The following DNAH3 variants were observed in gnomAD, a reference collection of about 807,000 sequenced individuals.
The protein encoded by DNAH3 is dynein axonemal heavy chain 3.
DNAH3 carries 332 observed loss-of-function variants against 432.5 expected under a neutral mutation model. The observed-to-expected ratio is 0.77, with a 90% CI of 0.70 to 0.84. The LOEUF (loss-of-function observed/expected upper bound fraction) is 0.84. Among genes scored for constraint, DNAH3 ranks in the 40% least tolerant of loss-of-function variants. The pLI is 0.00. For synonymous variants in DNAH3, 1,956 were observed against 1,900.2 expected, an observed-to-expected ratio of 1.03 and a Z score of -0.76; for missense variants, 4,861 against 5,114.0, an observed-to-expected ratio of 0.95 and a Z score of 1.51.
intron 10 of DNAH3, among the ~76,000 whole-genome samples, chr16:21,121,343 G>A (rs74898906): frequency 0.036 from 5,491 of 152,316 alleles, 341 homozygotes; most frequent in African/African-American, 0.12. Flanking sequence ...TGGAAAGGGC[G>A]TGGGCCAGGA....
chr16:20,972,857 T>C (rs1164338126), intron 51 of DNAH3, among the ~76,000 whole-genome samples: 2 of 147,318 alleles, frequency 1.4e-5, no homozygotes, highest in South Asian at 2.2e-4. Flanking sequence ...GCCTCCTGAA[T>C]AGCTGGGATT....
chr16:21,112,886 T>C (rs1348266770), intron 12 of DNAH3, among the ~76,000 whole-genome samples: 1 of 152,174 alleles, frequency 6.6e-6, no homozygotes. Context: ...GCATGGGCCC[T>C]GTACCCCTTT....
At chr16:21,006,373 T>C (rs922858496) in intron 41 of DNAH3, among the ~76,000 whole-genome samples, 1 of 152,242 alleles carries the variant, frequency 6.6e-6, no homozygotes, top group Non-Finnish European at 1.5e-5. Context: ...TTACATATCA[T>C]ATAATCCAAC....
At chr16:21,073,072 T>C (rs1471639082) in intron 21 of DNAH3, among the ~76,000 whole-genome samples, 1 of 152,108 alleles carries the variant, frequency 6.6e-6, no homozygotes, top group African/African-American at 2.4e-5. Context: ...TGGGCCATTG[T>C]GGCAAGCAAG....
chr16:20,971,879 T>TAA (rs2085357723), intron 51 of DNAH3, among the ~76,000 whole-genome samples: 1 of 152,224 alleles, frequency 6.6e-6, no homozygotes, highest in Non-Finnish European at 1.5e-5. Context: ...CATAGACCCT[T>TAA]ACGCTCTGGC....
intron 18 of DNAH3, among the ~76,000 whole-genome samples, chr16:21,090,956 G>A (rs146870706): frequency 2.3e-3 from 355 of 151,982 alleles, no homozygotes; most frequent in African/African-American, 8.1e-3. Context: ...GTTCAAGACC[G>A]GCCTGGGCAA....
At chr16:21,063,458 C>G (rs1464562383) in intron 24 of DNAH3, among the ~76,000 whole-genome samples, 1 of 150,090 alleles carries the variant, frequency 6.7e-6, no homozygotes. Flanking sequence ...CCTCTACCAC[C>G]TTTTATTTAT....
intron 48 of DNAH3, 96 bp from the exon 49 acceptor site, chr16:20,982,982 G>C: frequency 1.4e-6 from 2 of 1,396,776 alleles, no homozygotes; most frequent in South Asian, 2.5e-5. Context: ...GGGGTAAGTG[G>C]GGGCAGGCTT....
chr16:21,111,539 T>C (rs760814397), intron 14 of DNAH3, 87 bp downstream of exon 14: 136 of 1,318,438 alleles, frequency 1.0e-4, no homozygotes, highest in Non-Finnish European at 1.3e-4. Flanking sequence ...AATCTGTTCA[T>C]TGCTGGAAGG....
intron 7 of DNAH3, chr16:21,130,207 C>T (rs1436917053): frequency 1.3e-5 from 2 of 150,636 alleles, no homozygotes; most frequent in Admixed American, 6.7e-5. Context: ...CCTCCTAGAA[C>T]TATTGATGCT....
At chr16:20,978,832 A>G (rs2085720901) in intron 50 of DNAH3, among the ~76,000 whole-genome samples, 1 of 152,144 alleles carries the variant, frequency 6.6e-6, no homozygotes, top group Non-Finnish European at 1.5e-5. Flanking sequence ...GACGTGAGCC[A>G]CTGCACTGGG....
chr16:20,970,809 C>G (rs139325067), intron 51 of DNAH3, among the ~76,000 whole-genome samples: 126 of 150,832 alleles, frequency 8.4e-4, no homozygotes, highest in African/African-American at 2.9e-3. Context: ...TGACCTGATT[C>G]TTGCTCTTCC....
intron 37 of DNAH3, among the ~76,000 whole-genome samples, chr16:21,029,803 G>T (rs1176112701): frequency 6.6e-6 from 1 of 152,156 alleles, no homozygotes; most frequent in Admixed American, 6.6e-5. Context: ...TGTTGGGCAA[G>T]TTACATAAAT....
chr16:21,051,743 C>A, exon 29 of DNAH3: 1 of 1,614,098 alleles, frequency 6.2e-7, no homozygotes, highest in Non-Finnish European at 8.5e-7. Context: ...CCATACAAGG[C>A]TTCTGTGGTG....
At chr16:21,113,993 C>T (rs928225653) in intron 12 of DNAH3, among the ~76,000 whole-genome samples, 1 of 152,092 alleles carries the variant, frequency 6.6e-6, no homozygotes, top group Non-Finnish European at 1.5e-5. Flanking sequence ...TTCCTATACA[C>T]ATATATGTAT....
chr16:21,068,375 C>A (rs536918982), intron 23 of DNAH3, among the ~76,000 whole-genome samples: 1 of 151,010 alleles, frequency 6.6e-6, no homozygotes, highest in South Asian at 2.1e-4. Context: ...AGTGCAGTGG[C>A]GCAATCTGGG....
At chr16:21,056,582 G>T (rs150714555) in intron 27 of DNAH3, among the ~76,000 whole-genome samples, 134 of 152,176 alleles carry the variant, frequency 8.8e-4, no homozygotes, top group African/African-American at 3.0e-3. Context: ...AATTACCTTC[G>T]TTAGCAGCAG....
At chr16:21,154,630 C>G (rs1011601867) in intron 1 of DNAH3, among the ~76,000 whole-genome samples, 2 of 152,150 alleles carry the variant, frequency 1.3e-5, no homozygotes, top group Non-Finnish European at 2.9e-5. Flanking sequence ...TCTCAACAAC[C>G]TAGAATATAA....
At chr16:21,049,223 C>G (rs546170549) in intron 31 of DNAH3, among the ~76,000 whole-genome samples, 11 of 152,282 alleles carry the variant, frequency 7.2e-5, no homozygotes, top group African/African-American at 1.4e-4. Flanking sequence ...CTTGGCCTCC[C>G]AAAGTGTCAG....
Sources: allele counts gnomAD v4.1 joint callset (sites outside exome capture counted in the v4.1 genomes callset), GRCh38; gene constraint gnomAD v4.1.1; transcripts MANE v1.5; gene names NCBI Gene and HGNC (gene_info 2026-07-23, HGNC 2026-07-21).